Variants in GOLGA4 observed in about 807,000 individuals in gnomAD.
GOLGA4 encodes the protein golgin subfamily A member 4.
GOLGA4 carries 169 observed loss-of-function variants against 265.9 expected under a neutral mutation model. The ratio of observed to expected loss-of-function variants is 0.64; its 90% CI spans 0.56 to 0.72. GOLGA4 has a LOEUF of 0.72. GOLGA4 is among the 30% of genes least tolerant of loss of function. GOLGA4 has a pLI of 0.00. For synonymous variants in GOLGA4, 923 were observed against 855.8 expected (o/e 1.08, Z -1.37); for missense variants, 2,482 against 2,483.4 (o/e 1.00, Z 0.01).
intron 9 of GOLGA4, among the ~76,000 whole-genome samples, chr3:37,301,592 AAAAT>A (rs1483156630): frequency 1.3e-5 from 2 of 152,216 alleles, no homozygotes; most frequent in African/African-American, 2.4e-5. Context: ...GAAAGGCTAT[AAAAT>A]AAATCTTTTA....
At chr3:37,336,812 G>A (rs962466056) in intron 17 of GOLGA4, among the ~76,000 whole-genome samples, 5 of 151,374 alleles carry the variant, frequency 3.3e-5, no homozygotes, top group Non-Finnish European at 7.4e-5. Context: ...AAGAAAGAGA[G>A]AAAGAGAGAG....
rs562200489 is a variant in GOLGA4 at position 37,246,764 on chromosome 3, T to G, written c.72+3142T>G. ...AGCTACAAATGTTTAAAATGGTAAA[T>G]TTTATGTTATGTATATTTTTAAAAA... On this transcript the variant is annotated intron_variant, in intron 1 of 23. Transcript: ENST00000361924. Among the ~76,000 whole-genome samples, 20 of 152,330 alleles carry G rather than the reference T, an allele frequency of 1.3e-4. No homozygotes were observed. The East Asian group carries it at 3.9e-3, about 29-fold the overall frequency.
At chr3:37,341,500 G>A (rs149010295) in intron 20 of GOLGA4, 4 of 152,298 alleles carry the variant, frequency 2.6e-5, no homozygotes, top group African/African-American at 9.6e-5. Context: ...AGGACTTGCT[G>A]TGGATCCTGT....
chr3:37,319,120 A>G lies in GOLGA4; in HGVS notation c.1471A>G (p.Arg491Gly). ...GAAGCTTCATGAAAAGGAGCTGGCC[A>G]GAAAAGAGCAGGAACTGACCAAGAA... is the stretch of plus-strand genomic sequence containing the variant. ...LQKLHEKELA[R>G]KEQELTKKLQ... The change falls in exon 12 of 24, where the codon AGA (arginine) becomes GGA (glycine). Residue 491 changes from arginine (R) to glycine (G), a missense_variant. Coordinates refer to ENST00000361924, the MANE Select transcript of GOLGA4 (RefSeq NM_002078.5). 1 of 1,611,774 alleles carries G rather than the reference A, an allele frequency of 6.2e-7. No homozygotes were observed. Among genetic ancestry groups the G allele is most frequent in the Non-Finnish European group, 8.5e-7 (1 of 1,178,476 alleles).
intron 5 of GOLGA4, among the ~76,000 whole-genome samples, chr3:37,291,651 G>A (rs2096865022): frequency 6.6e-6 from 1 of 152,194 alleles, no homozygotes; most frequent in African/African-American, 2.4e-5. Flanking sequence ...ACCTTTCAAA[G>A]AGGGTGGAGC....
intron 3 of GOLGA4, 150 bp downstream of exon 3, chr3:37,282,422 C>G (rs1227196465): frequency 4.7e-6 from 3 of 639,684 alleles, no homozygotes; most frequent in Admixed American, 5.9e-5. Context: ...GTGGCATTAT[C>G]TAGTTAAAGA....
intron 2 of GOLGA4, among the ~76,000 whole-genome samples, chr3:37,259,851 T>G (rs1424632796): frequency 6.6e-6 from 1 of 152,214 alleles, no homozygotes; most frequent in East Asian, 1.9e-4. Context: ...GTTAGATACC[T>G]TGTCCTTTTA....
intron 21 of GOLGA4, among the ~76,000 whole-genome samples, chr3:37,352,588 T>C (rs767992726): frequency 1.3e-5 from 2 of 152,082 alleles, no homozygotes; most frequent in Non-Finnish European, 2.9e-5. Context: ...TTAAATCTCA[T>C]GAACCGGTCT....
At chr3:37,251,624 T>TA in intron 2 of GOLGA4, 140 bp downstream of exon 2, 1 of 522,718 alleles carries the variant, frequency 1.9e-6, no homozygotes, top group South Asian at 2.4e-5. Flanking sequence ...ACACAATTGG[T>TA]CTTTTTTTTT....
At chr3:37,356,611 TA>T (rs2097091648) in intron 22 of GOLGA4, among the ~76,000 whole-genome samples, 1 of 152,170 alleles carries the variant, frequency 6.6e-6, no homozygotes, top group Admixed American at 6.6e-5. Flanking sequence ...AATGTTGTTT[TA>T]AATTATAATG....
chr3:37,254,869 T>TTA (rs1341247806), intron 2 of GOLGA4, among the ~76,000 whole-genome samples: 1 of 148,140 alleles, frequency 6.8e-6, no homozygotes, highest in Non-Finnish European at 1.5e-5. Context: ...TTATTAGCTA[T>TTA]TATATATAAT....
In GOLGA4 at chr3:37,276,070, T is replaced by C. The variant is rs957192781; in HGVS notation, c.163-5888T>C. The C allele has an allele frequency of 9.4e-5, 151 of 1,612,332 alleles. 1 individual carries two copies. The African/African-American group carries it at 1.0e-3, about 11-fold the overall frequency. ...ATGAGACAAATGCTCGAGATACTTATGTTTCATCCTTTCCTCGGGCACCAA... is the reference window on the plus strand; with the variant it reads ...ATGAGACAAATGCTCGAGATACTTACGTTTCATCCTTTCCTCGGGCACCAA... On this transcript the variant is annotated intron_variant, in intron 2 of 23. Transcript: ENST00000361924.
chr3:37,258,498 T>C (rs965068864), intron 2 of GOLGA4, among the ~76,000 whole-genome samples: 2 of 152,006 alleles, frequency 1.3e-5, no homozygotes, highest in African/African-American at 4.8e-5. Flanking sequence ...CAGCTAATAC[T>C]TGTGTTTTTA....
At chr3:37,297,978 G>C (rs111855841) in intron 7 of GOLGA4, among the ~76,000 whole-genome samples, 1 of 151,830 alleles carries the variant, frequency 6.6e-6, no homozygotes, top group Non-Finnish European at 1.5e-5. Context: ...GCAGTGAGCC[G>C]AGATCATGCC....
intron 9 of GOLGA4, 80 bp from the exon 10 acceptor site, chr3:37,302,105 C>T (rs2096894569): frequency 1.5e-6 from 2 of 1,295,914 alleles, no homozygotes; most frequent in Non-Finnish European, 2.2e-6. Context: ...CTTTTTCTGC[C>T]TTTTAAATTA....
At chr3:37,342,219 CT>C (rs1469065765) in intron 20 of GOLGA4, among the ~76,000 whole-genome samples, 1 of 152,096 alleles carries the variant, frequency 6.6e-6, no homozygotes, top group Non-Finnish European at 1.5e-5. Flanking sequence ...TGGCGTACAC[CT>C]GTAATCTCAG....
chr3:37,311,228 T>TC (rs1466774075), intron 10 of GOLGA4, among the ~76,000 whole-genome samples: 1 of 152,184 alleles, frequency 6.6e-6, no homozygotes, highest in African/African-American at 2.4e-5. Flanking sequence ...GTAGAATCCA[T>TC]AATGGGTTTG....
intron 2 of GOLGA4, among the ~76,000 whole-genome samples, chr3:37,264,273 A>G (rs2096777725): frequency 6.6e-6 from 1 of 152,244 alleles, no homozygotes; most frequent in South Asian, 2.1e-4. Context: ...AATTTTTTAT[A>G]GCCTTTAACT....
At chr3:37,275,198 A>C (rs1456786036) in intron 2 of GOLGA4, among the ~76,000 whole-genome samples, 1 of 140,952 alleles carries the variant, frequency 7.1e-6, no homozygotes, top group African/African-American at 2.6e-5. Context: ...CCTGGGCGAC[A>C]GAGCGAGACT....
Sources: gnomAD v4.1 joint callset for allele counts (sites outside exome capture counted in the v4.1 genomes callset) on GRCh38, gnomAD v4.1.1 for gene constraint, MANE v1.5 for transcripts, NCBI Gene and HGNC (gene_info 2026-07-23, HGNC 2026-07-21) for gene names.